PRMT5: variants seen among roughly 807,000 people sequenced by gnomAD.
PRMT5 encodes protein arginine methyltransferase 5.
PRMT5 carries 15 observed loss-of-function variants against 84.0 expected under a neutral mutation model. The observed-to-expected ratio is 0.18, with a 90% confidence interval of 0.12 to 0.28. The LOEUF (loss-of-function observed/expected upper bound fraction) is 0.28, where lower values mean the gene tolerates loss of function less well. PRMT5 is among the 10% of genes least tolerant of loss of function. The pLI is 1.00. For synonymous variants in PRMT5, 276 were observed against 292.4 expected, an observed-to-expected ratio of 0.94 and a Z score of 0.57; for missense variants, 486 against 808.0, an observed-to-expected ratio of 0.60 and a Z score of 4.83.
Position 22,928,271 on chromosome 14 carries a change from A to C in PRMT5, c.230-60T>G. 2 of 1,563,970 alleles carry C rather than the reference A, an allele frequency of 1.3e-6. No homozygotes were observed. The highest frequency in any genetic ancestry group is 1.8e-6 in the Non-Finnish European group (2 of 1,140,750). ...ATAAGGTTCAGCACTTTACTTGTTC[A>C]ATTTTTAGTTTTGGGAATCAAGAGT... On this transcript the variant is annotated intron_variant, in intron 2 of 16. Coordinates refer to ENST00000324366, the MANE Select transcript of PRMT5 (RefSeq NM_006109.5). This position sits in a 1 kb window ranked among gnomAD's most constrained non-coding sequence, Gnocchi z 4.8.
chr14:22,927,687 T>C (rs1273323273), intron 3 of PRMT5, 27 bp from the exon 4 acceptor site: 1 of 1,602,014 alleles, frequency 6.2e-7, no homozygotes, highest in Non-Finnish European at 8.5e-7. Context: ...GAGGAAAAGT[T>C]TGAGCTAACA....
rs774559209 is a variant in PRMT5, at chr14:22,922,223, G to A, written c.1714C>T (p.His572Tyr). ...AACCATGAGAACATCCCAGGAGAGTGAGTCTCTGGACGGATACCTGTGTGG... is the reference window on the plus strand; with the variant it reads ...AACCATGAGAACATCCCAGGAGAGTAAGTCTCTGGACGGATACCTGTGTGG... Reference protein sequence around the residue: ...DITLSIRPETHSPGMFSWFPI... With the variant: ...DITLSIRPETYSPGMFSWFPI... Residue 572 changes from histidine (H) to tyrosine (Y), a missense_variant, in exon 16 of 17, where the codon CAC (histidine) becomes TAC (tyrosine). By Grantham distance (83) the His-to-Tyr change is moderately conservative (BLOSUM62 2). Around this residue, in one of 4 missense-constraint regions of PRMT5, gnomAD observed 219 missense variants for 433.6 expected, o/e 0.51. Coordinates refer to ENST00000324366, the MANE Select transcript of PRMT5 (RefSeq NM_006109.5). 1 of 1,598,298 alleles carries A rather than the reference G, an allele frequency of 6.3e-7. No individual in the cohort carries two copies. Among genetic ancestry groups the A allele is most frequent in the African/African-American group, 1.3e-5 (1 of 74,686 alleles).
At position 22,926,497 on chromosome 14, in the gene PRMT5, T is replaced by C. The variant is rs1362067305; in HGVS notation, c.613+9A>G. On this transcript the variant is annotated intron_variant, in intron 6 of 16. Transcript: ENST00000324366. The stretch of plus-strand genomic sequence containing the variant: ...AGCCACACCCATCCCAGGATTCTCA[T>C]GGACTCACCCACTGCAATCCTCTTA... 1.2e-6 allele frequency: 2 copies of C among 1,614,148 alleles called. No homozygotes were observed. Among genetic ancestry groups the C allele is most frequent in the South Asian group, 1.1e-5 (1 of 91,086 alleles).
chr14:22,929,148 T>C (rs776685649), intron 1 of PRMT5, 104 bp downstream of exon 1: 8 of 1,613,778 alleles, frequency 5.0e-6, no homozygotes, highest in East Asian at 2.2e-5. Context: ...CCCCTCCTCA[T>C]CCTAGCCGAC....
intron 3 of PRMT5, among the ~76,000 whole-genome samples, chr14:22,927,896 A>C (rs2044461879): frequency 6.6e-6 from 1 of 151,816 alleles, no homozygotes; most frequent in African/African-American, 2.4e-5. Context: ...TTTTATAGAG[A>C]TGGGGTTTCA....
At chr14:22,921,567 T>C (rs2044296351) in intron 16 of PRMT5, among the ~76,000 whole-genome samples, 2 of 152,040 alleles carry the variant, frequency 1.3e-5, no homozygotes, top group Non-Finnish European at 2.9e-5. Context: ...TGGGAAGGCA[T>C]TGAAGAGTTT....
At position 22,928,931 on chromosome 14, in the gene PRMT5, C is replaced by T. The variant is rs1023897746; in HGVS notation, c.111-316G>A. 1 of 612,938 alleles carries T rather than the reference C, an allele frequency of 1.6e-6. No individual in the cohort carries two copies. Among genetic ancestry groups the T allele is most frequent in the Non-Finnish European group, 2.9e-6 (1 of 350,496 alleles). 38.0% of individuals were successfully genotyped at this position (612,938 alleles called of 1,614,324 possible). A position where few individuals can be genotyped will look rare whatever the true frequency, so the allele number is the denominator to read the frequency against. On this transcript the variant is annotated intron_variant, in intron 1 of 16. Coordinates refer to ENST00000324366, the MANE Select transcript of PRMT5 (RefSeq NM_006109.5). This position sits in a 1 kb window ranked among gnomAD's most constrained non-coding sequence, Gnocchi z 4.8. ...CAGATTTGCCCCAGTTCTGCCCATG[C>T]CTCCCCCGTCAAAATTAGCCTCTTC...
rs981528750 is a variant in PRMT5 at position 22,923,071 on chromosome 14, C to T, written c.1465G>A (p.Glu489Lys). ...TTTACCTCAGGGTCACGGTCCTTCT[C>T]CCTACAGGCTCGGACCTCATTGTAC... ...KLYNEVRACR[E>K]KDRDPEAQFE... Residue 489 changes from glutamate to lysine, a missense_variant, in exon 13 of 17, where the codon GAG (glutamate) becomes AAG (lysine). Glu to Lys is a moderately conservative substitution (Grantham distance 56). Coordinates refer to ENST00000324366, the MANE Select transcript of PRMT5 (RefSeq NM_006109.5). This position sits in a 1 kb window ranked among gnomAD's most constrained non-coding sequence, Gnocchi z 5.2. The T allele has an allele frequency of 6.2e-7, 1 of 1,612,488 alleles. No individual in the cohort carries two copies. The highest frequency in any genetic ancestry group is 8.5e-7 in the Non-Finnish European group (1 of 1,179,188).
rs1248951524 is a variant in PRMT5 at position 22,923,727 on chromosome 14, T to C, written c.1375+281A>G. On this transcript the variant is annotated intron_variant, in intron 12 of 16. Coordinates refer to ENST00000324366, the MANE Select transcript of PRMT5 (RefSeq NM_006109.5). The surrounding 1 kb of genome is among the most constrained non-coding windows in gnomAD (Gnocchi z 5.2). Reference sequence around the variant, plus strand: ...TGGGGTTTCGCCATGTTGCCCAGGCTGGTCTCAAACTCCTGACCTCCCGCC... The same window carrying C: ...TGGGGTTTCGCCATGTTGCCCAGGCCGGTCTCAAACTCCTGACCTCCCGCC... Among the ~76,000 whole-genome samples, 1 of 152,104 alleles carries C rather than the reference T, an allele frequency of 6.6e-6. No individual in the cohort carries two copies. Among genetic ancestry groups the C allele is most frequent in the Non-Finnish European group, 1.5e-5 (1 of 68,026 alleles).
Position 22,928,648 on chromosome 14 carries a change from G to C in PRMT5, c.111-33C>G. 3.3e-6 allele frequency: 5 copies of C among 1,509,124 alleles called. No individual in the cohort carries two copies. Among genetic ancestry groups the C allele is most frequent in the Non-Finnish European group, 3.7e-6 (4 of 1,084,366 alleles). The allele number at this position is 1,509,124 out of a possible 1,614,324, so 93.5% of individuals were successfully genotyped here. ...CGCGACAGACCCAGAATCATGTAAAGACAGCAGCAGTGCCAGAGAGCCAAG... is the reference window on the plus strand; with the variant it reads ...CGCGACAGACCCAGAATCATGTAAACACAGCAGCAGTGCCAGAGAGCCAAG... On this transcript the variant is annotated intron_variant, in intron 1 of 16. Coordinates refer to ENST00000324366, the MANE Select transcript of PRMT5 (RefSeq NM_006109.5). This position sits in a 1 kb window ranked among gnomAD's most constrained non-coding sequence, Gnocchi z 4.8.
rs1045623343 is a variant in PRMT5 at position 22,922,342 on chromosome 14, T to C, written c.1696+101A>G. On this transcript the variant is annotated intron_variant, in intron 15 of 16. Transcript: ENST00000324366. Reference sequence around the variant, plus strand: ...CTAATCACACAAAGATCTCCATTCATTGAGCACTGGGCCCCCCATAAATCT... The same window carrying C: ...CTAATCACACAAAGATCTCCATTCACTGAGCACTGGGCCCCCCATAAATCT... 26 of 1,409,930 alleles carry C rather than the reference T, an allele frequency of 1.8e-5. No homozygotes were observed. The Admixed American group carries it at 3.9e-4, about 21-fold the overall frequency. The allele number at this position is 1,409,930 out of a possible 1,614,324, so 87.3% of individuals were successfully genotyped here. A position where few individuals can be genotyped will look rare whatever the true frequency, so the allele number is the denominator to read the frequency against.
Position 22,926,235 on chromosome 14 carries a change from G to A in PRMT5, c.675C>T (p.Pro225=), listed in dbSNP as rs758658320. ...TAGTGGGGAGAATGGCTGCTTTGAT[G>A]GGCTCCCCAAGCCAGCGATCAATGA... is the stretch of plus-strand genomic sequence containing the variant. The part of the protein sequence containing the change: ...NHVIDRWLGE[P]IKAAILPTSI... The change falls in exon 7 of 17, where the codon CCC becomes CCT. Residue 225 remains proline, a synonymous_variant. Coordinates refer to ENST00000324366, the MANE Select transcript of PRMT5 (RefSeq NM_006109.5). The A allele has an allele frequency of 1.9e-6, 3 of 1,613,798 alleles. No individual in the cohort carries two copies. Among genetic ancestry groups the A allele is most frequent in the Non-Finnish European group, 2.5e-6 (3 of 1,179,772 alleles).
At chr14:22,922,913 GT>G in intron 13 of PRMT5, 78 bp from the exon 14 acceptor site, 1 of 1,483,736 alleles carries the variant, frequency 6.7e-7, no homozygotes, top group Non-Finnish European at 9.3e-7. Flanking sequence ...ATTAAAAAAA[GT>G]TTTACTTTAG....
chr14:22,928,180 A>G lies in PRMT5; in HGVS notation c.261T>C (p.Ser87=). The change falls in exon 3 of 17, where the codon TCT becomes TCC. Residue 87 remains serine, a synonymous_variant. Transcript: ENST00000324366. The surrounding 1 kb of genome is among the most constrained non-coding windows in gnomAD (Gnocchi z 4.8). ...CTTTTGAGTCTGGACGAATCCATGG[A>G]GAAAGCTTTCCCACAATTAGCGTAT... ...DWNTLIVGKL[S]PWIRPDSKVE... 5 of 1,614,170 alleles carry G rather than the reference A, an allele frequency of 3.1e-6. No individual in the cohort carries two copies. The highest frequency in any genetic ancestry group is 4.2e-6 in the Non-Finnish European group (5 of 1,180,032).
rs768375681 is a variant in PRMT5, at chr14:22,929,157, AC to A, written c.110+94del. On this transcript the variant is annotated intron_variant, in intron 1 of 16. Coordinates refer to ENST00000324366, the MANE Select transcript of PRMT5 (RefSeq NM_006109.5). ...GTCTCTCCCCTCCTCATCCTAGCCG[AC>A]CCCCTCACCCCTGCTTCTCCGGGAT... 8.8e-5 allele frequency: 142 copies of A among 1,612,004 alleles called. No individual in the cohort carries two copies. The African/African-American group carries it at 1.8e-3, about 20-fold the overall frequency.
At position 22,924,109 on chromosome 14, in the gene PRMT5, G is replaced by A; in HGVS notation, c.1274C>T (p.Ala425Val). The stretch of plus-strand genomic sequence containing the variant: ...GACAATGATGTCTGCTTTCTCTGGA[G>A]CCACCCATTCCCTCATGTCTGATGA... ...VVSSDMREWV[A>V]PEKADIIVSE... Residue 425 changes from alanine to valine, a missense_variant, in exon 12 of 17, where the codon GCT becomes GTT. Transcript: ENST00000324366. This position sits in a 1 kb window ranked among gnomAD's most constrained non-coding sequence, Gnocchi z 6.5. The A allele has an allele frequency of 6.2e-7, 1 of 1,613,784 alleles. No individual in the cohort carries two copies. The highest frequency in any genetic ancestry group is 8.5e-7 in the Non-Finnish European group (1 of 1,179,832).
Position 22,928,154 on chromosome 14 carries a change from A to C in PRMT5, c.287T>G (p.Val96Gly). 1 of 1,614,190 alleles carries C rather than the reference A, an allele frequency of 6.2e-7. No individual in the cohort carries two copies. Among genetic ancestry groups the C allele is most frequent in the African/African-American group, 1.3e-5 (1 of 75,054 alleles). Residue 96 changes from valine to glycine, a missense_variant, in exon 3 of 17, where the codon GTG becomes GGG. Physicochemically the swap from Val to Gly is moderately radical, Grantham distance 109. This residue lies in a region of PRMT5 where 215 missense variants were observed against 301.1 expected (regional missense o/e 0.71). Transcript: ENST00000324366. This position sits in a 1 kb window ranked among gnomAD's most constrained non-coding sequence, Gnocchi z 4.8. ...CTCGGAGTTCCTGCGAATCTTCTCCACTTTTGAGTCTGGACGAATCCATGG... is the reference window on the plus strand; with the variant it reads ...CTCGGAGTTCCTGCGAATCTTCTCCCCTTTTGAGTCTGGACGAATCCATGG... Reference protein sequence around the residue: ...LSPWIRPDSKVEKIRRNSEAA... With the variant: ...LSPWIRPDSKGEKIRRNSEAA...
In PRMT5 at chr14:22,922,291, T is replaced by C. The variant is rs375381900; in HGVS notation, c.1697-51A>G. ...CAGAGGTCTCCATGGCTGTGACTTT[T>C]GCCTATGCTGAAGAGGGTCTCTTCT... On this transcript the variant is annotated intron_variant, in intron 15 of 16. Coordinates refer to ENST00000324366, the MANE Select transcript of PRMT5 (RefSeq NM_006109.5). The C allele has an allele frequency of 6.6e-6, 10 of 1,514,564 alleles. No individual in the cohort carries two copies. The East Asian group carries it at 2.3e-4, about 34-fold the overall frequency. 93.8% of individuals were successfully genotyped at this position (1,514,564 alleles called of 1,614,324 possible). A position where few individuals can be genotyped will look rare whatever the true frequency, so the allele number is the denominator to read the frequency against.
intron 7 of PRMT5, among the ~76,000 whole-genome samples, chr14:22,925,442 C>T (rs1314031240): frequency 2.6e-5 from 4 of 152,052 alleles, no homozygotes; most frequent in Admixed American, 2.0e-4. Context: ...CAGGCGCGAG[C>T]CACTGCACCT....
Sources: gnomAD v4.1 joint callset for allele counts (sites outside exome capture counted in the v4.1 genomes callset) on GRCh38, gnomAD v4.1.1 for gene constraint, gnomAD v4.1.1 regional missense constraint, Gnocchi (gnomAD v3.1) non-coding constraint, MANE v1.5 for transcripts, NCBI Gene and HGNC (gene_info 2026-07-23, HGNC 2026-07-21) for gene names.